Variants in HMGCLL1 observed in about 807,000 individuals in gnomAD.
HMGCLL1 encodes 3-hydroxy-3-methylglutaryl-CoA lyase like 1, also known as 3-hydroxymethyl-3-methylglutaryl-CoA lyase, cytoplasmic.
A neutral mutation model predicts 39.1 loss-of-function variants in HMGCLL1; 36 were observed. The observed-to-expected ratio is 0.92, with a 90% confidence interval of 0.71 to 1.22. The LOEUF (loss-of-function observed/expected upper bound fraction) is 1.22. HMGCLL1 is among the 50% of genes most tolerant of loss of function. The probability of loss-of-function intolerance (pLI) is 0.00; values close to 1 mark genes in which losing one functional copy is unlikely to be tolerated. For synonymous variants in HMGCLL1, 149 were observed against 144.0 expected, an observed-to-expected ratio of 1.03 and a Z score of -0.25; for missense variants, 451 against 416.5, an observed-to-expected ratio of 1.08 and a Z score of -0.72.
intron 7 of HMGCLL1, among the ~76,000 whole-genome samples, chr6:55,467,134 T>G (rs1370116269): frequency 6.6e-6 from 1 of 152,082 alleles, no homozygotes; most frequent in South Asian, 2.1e-4. Context: ...ATTAGGTAAT[T>G]CTTCCTCAAC....
intron 7 of HMGCLL1, among the ~76,000 whole-genome samples, chr6:55,449,991 T>C (rs1764013512): frequency 6.6e-6 from 1 of 152,180 alleles, no homozygotes; most frequent in South Asian, 2.1e-4. Context: ...GATCTCATCT[T>C]GACTTATTCC....
Position 55,578,953 on chromosome 6 carries a change from C to A in HMGCLL1, c.103G>T (p.Ala35Ser). 1 of 1,609,910 alleles carries A rather than the reference C, an allele frequency of 6.2e-7. No homozygotes were observed. The highest frequency in any genetic ancestry group is 8.5e-7 in the Non-Finnish European group (1 of 1,178,182). The part of the protein sequence containing the change: ...GDSVAGALDP[A>S]QETSQLSGLP... ...CCTGGGCCGCGAGGTGGTACCTGCG[C>A]GGGGTCGAGCGCCCCTGCCACTGAA... The change falls in exon 1 of 9, where the codon GCG (alanine) becomes TCG (serine). Residue 35 changes from alanine (A) to serine (S), a missense_variant. Ala to Ser is a moderately conservative substitution (Grantham distance 99). Transcript: ENST00000274901.
intron 7 of HMGCLL1, among the ~76,000 whole-genome samples, chr6:55,474,562 A>C (rs1765202450): frequency 6.6e-6 from 1 of 151,392 alleles, no homozygotes; most frequent in Admixed American, 6.6e-5. Flanking sequence ...TTCACATATT[A>C]GTCATAGTTA....
chr6:55,517,377 T>A (rs1767795156), intron 3 of HMGCLL1, among the ~76,000 whole-genome samples: 1 of 152,046 alleles, frequency 6.6e-6, no homozygotes, highest in Non-Finnish European at 1.5e-5. Context: ...ACCATTGACA[T>A]AACCATGAGC....
At chr6:55,675,655 G>A in the HMGCLL1 span, among the ~76,000 whole-genome samples, 1 of 152,074 alleles carries the variant, frequency 6.6e-6, no homozygotes, top group Non-Finnish European at 1.5e-5. Context: ...AACACTTATG[G>A]TGATGATCAC....
In HMGCLL1 at chr6:55,447,828, A is replaced by C. The variant is rs551359766; in HGVS notation, c.796-8269T>G. Among the ~76,000 whole-genome samples, 6 of 152,272 alleles carry C rather than the reference A, an allele frequency of 3.9e-5. No homozygotes were observed. The South Asian group carries it at 1.2e-3, about 32-fold the overall frequency. On this transcript the variant is annotated intron_variant, in intron 7 of 8. Coordinates refer to ENST00000274901, the MANE Select transcript of HMGCLL1 (RefSeq NM_001042406.2). ...TGCTTCATATGGTTAGTATGAGGCA[A>C]GGTAAGAATGCAAATCCAGGTTTAA...
At chr6:55,495,378 C>T (rs1561916739) in intron 7 of HMGCLL1, 41 bp downstream of exon 7, 1 of 1,397,378 alleles carries the variant, frequency 7.2e-7, no homozygotes, top group Non-Finnish European at 9.9e-7. Context: ...TAAAGATGAA[C>T]ACCCTATGCA....
At chr6:55,651,734 C>G in the HMGCLL1 span, among the ~76,000 whole-genome samples, 1 of 152,052 alleles carries the variant, frequency 6.6e-6, no homozygotes, top group Non-Finnish European at 1.5e-5. Context: ...CAACCCATGG[C>G]GGCAAGGCTT....
intron 7 of HMGCLL1, among the ~76,000 whole-genome samples, chr6:55,486,008 G>A (rs1766007045): frequency 6.7e-6 from 1 of 150,198 alleles, no homozygotes; most frequent in Admixed American, 6.6e-5. Context: ...ATCAAAAGTG[G>A]GATCAGTTAA....
chr6:55,586,143 G>C, the HMGCLL1 span, among the ~76,000 whole-genome samples: 1 of 152,064 alleles, frequency 6.6e-6, no homozygotes, highest in Non-Finnish European at 1.5e-5. Context: ...ATATAATGTT[G>C]CTTAACTAAC....
the HMGCLL1 span, among the ~76,000 whole-genome samples, chr6:55,604,607 G>T: frequency 2.0e-5 from 3 of 151,936 alleles, no homozygotes; most frequent in Non-Finnish European, 4.4e-5. Flanking sequence ...AATTTTCAAG[G>T]GCTATTGACA....
intron 7 of HMGCLL1, among the ~76,000 whole-genome samples, chr6:55,446,626 G>A (rs1366159707): frequency 1.3e-5 from 2 of 151,946 alleles, no homozygotes; most frequent in Admixed American, 6.6e-5. Flanking sequence ...GAGCTCTGGG[G>A]AGTATTGATT....
At chr6:55,560,335 G>A (rs4144579) in intron 1 of HMGCLL1, among the ~76,000 whole-genome samples, 64,396 of 151,464 alleles carry the variant, frequency 0.43, 13,663 homozygotes, top group East Asian at 0.55. Context: ...ACGCCTAGTG[G>A]CTCTGAATAA....
chr6:55,447,749 T>G lies in HMGCLL1; in HGVS notation c.796-8190A>C, dbSNP rs559259329. ...TCAACCTGAAGTGGTTAGTAACACATGCCCATTTTACTCATGAGTAAACTG... is the reference window on the plus strand; with the variant it reads ...TCAACCTGAAGTGGTTAGTAACACAGGCCCATTTTACTCATGAGTAAACTG... On this transcript the variant is annotated intron_variant, in intron 7 of 8. Transcript: ENST00000274901. 2.0e-5 allele frequency among the ~76,000 whole-genome samples: 3 copies of G among 152,246 alleles called. No individual in the cohort carries two copies. The South Asian group carries it at 6.2e-4, about 32-fold the overall frequency.
the HMGCLL1 span, among the ~76,000 whole-genome samples, chr6:55,605,905 T>C: frequency 2.0e-5 from 3 of 152,200 alleles, no homozygotes; most frequent in South Asian, 4.1e-4. Flanking sequence ...ATGATATAGG[T>C]GCTTTGTAAT....
chr6:55,620,087 T>G, the HMGCLL1 span, among the ~76,000 whole-genome samples: 6 of 152,304 alleles, frequency 3.9e-5, no homozygotes, highest in Admixed American at 1.3e-4. Flanking sequence ...CATTCATTTG[T>G]TGATGGACAC....
chr6:55,576,909 T>C (rs987587970), intron 1 of HMGCLL1, among the ~76,000 whole-genome samples: 5 of 152,180 alleles, frequency 3.3e-5, no homozygotes, highest in African/African-American at 1.2e-4. Flanking sequence ...ACCTAAGCGA[T>C]GATGTCAAAT....
the HMGCLL1 span, among the ~76,000 whole-genome samples, chr6:55,652,624 T>G: frequency 6.6e-6 from 1 of 152,116 alleles, no homozygotes. Flanking sequence ...TTGTCAGTGA[T>G]GTCCATGTTC....
the HMGCLL1 span, among the ~76,000 whole-genome samples, chr6:55,605,567 C>A: frequency 6.6e-6 from 1 of 152,078 alleles, no homozygotes; most frequent in East Asian, 1.9e-4. Flanking sequence ...TTATTTGATG[C>A]CTAATTTTGC....
Sources: gnomAD v4.1 joint callset for allele counts (sites outside exome capture counted in the v4.1 genomes callset) on GRCh38, gnomAD v4.1.1 for gene constraint, MANE v1.5 for transcripts, NCBI Gene and HGNC (gene_info 2026-07-23, HGNC 2026-07-21) for gene names.